The following ADK variants were observed in gnomAD, a reference collection of about 807,000 sequenced individuals.
ADK encodes adenosine kinase.
ADK carries 24 observed loss-of-function variants against 44.7 expected under a neutral mutation model. The ratio of observed to expected loss-of-function variants is 0.54; its 90% confidence interval spans 0.39 to 0.76. The LOEUF (loss-of-function observed/expected upper bound fraction) is 0.76, where lower values mean the gene tolerates loss of function less well. Among genes scored for constraint, ADK ranks in the 30% least tolerant of loss-of-function variants. The pLI is 0.00. For synonymous variants in ADK, 128 were observed against 142.6 expected (o/e 0.90, Z 0.73); for missense variants, 321 against 425.1 (o/e 0.76, Z 2.15).
chr10:74,365,181 A>G (rs535443602), intron 4 of ADK, among the ~76,000 whole-genome samples: 2 of 117,980 alleles, frequency 1.7e-5, no homozygotes, highest in South Asian at 2.6e-4. Context: ...CATTTACTGC[A>G]TTCACAATGC....
chr10:74,445,074 A>G lies in ADK; in HGVS notation c.555+46495A>G, dbSNP rs922064630. Reference sequence around the variant, plus strand: ...CAATGGGTTGTAAATAGTTTATTCAATATTTTAATAAAGAATTAATTCATT... The same window carrying G: ...CAATGGGTTGTAAATAGTTTATTCAGTATTTTAATAAAGAATTAATTCATT... On this transcript the variant is annotated intron_variant, in intron 6 of 10. Coordinates refer to ENST00000539909, the MANE Select transcript of ADK (RefSeq NM_006721.4). Among the ~76,000 whole-genome samples the G allele has an allele frequency of 3.9e-5, 6 of 152,060 alleles. No homozygotes were observed. The East Asian group carries it at 1.2e-3, about 29-fold the overall frequency.
At chr10:74,167,749 A>G (rs1842068339) in intron 1 of ADK, among the ~76,000 whole-genome samples, 2 of 152,226 alleles carry the variant, frequency 1.3e-5, no homozygotes, top group South Asian at 4.1e-4. Context: ...GATTTAAGAG[A>G]AGGGAACATA....
At chr10:74,209,707 C>G (rs1263282390) in intron 2 of ADK, among the ~76,000 whole-genome samples, 1 of 151,976 alleles carries the variant, frequency 6.6e-6, no homozygotes, top group Non-Finnish European at 1.5e-5. Context: ...CAGCCTCAAA[C>G]TCCTGTCCCT....
chr10:74,495,747 A>G (rs771892889), intron 6 of ADK, among the ~76,000 whole-genome samples: 3 of 152,168 alleles, frequency 2.0e-5, no homozygotes, highest in Non-Finnish European at 4.4e-5. Context: ...GAGGTAGGAA[A>G]AGGACACTTG....
intron 6 of ADK, among the ~76,000 whole-genome samples, chr10:74,442,280 A>G (rs1845441682): frequency 6.6e-6 from 1 of 151,536 alleles, no homozygotes; most frequent in African/African-American, 2.5e-5. Flanking sequence ...AGAGATTATG[A>G]AAAACAATAC....
At chr10:74,249,955 T>C (rs918055666) in intron 3 of ADK, among the ~76,000 whole-genome samples, 2 of 152,228 alleles carry the variant, frequency 1.3e-5, no homozygotes, top group Non-Finnish European at 2.9e-5. Context: ...ATAGAGAATG[T>C]AGAATTGAGC....
chr10:74,706,171 T>C (rs1856598387), intron 10 of ADK, among the ~76,000 whole-genome samples: 1 of 152,074 alleles, frequency 6.6e-6, no homozygotes, highest in South Asian at 2.1e-4. Flanking sequence ...ATGCAAGAAT[T>C]AGAGGAAAGC....
intron 1 of ADK, among the ~76,000 whole-genome samples, chr10:74,177,923 T>TTATATATATA (rs1192890268): frequency 1.2e-3 from 150 of 130,292 alleles, no homozygotes; most frequent in African/African-American, 3.7e-3. Context: ...AATTGCATAA[T>TTATATATATA]TATATATATA....
chr10:74,258,947 G>GTTTT (rs141424052), intron 3 of ADK, among the ~76,000 whole-genome samples: 15 of 96,118 alleles, frequency 1.6e-4, no homozygotes, highest in Admixed American at 3.6e-4. Flanking sequence ...TTGTTTTTGT[G>GTTTT]TTTTTTTTTT....
At chr10:74,522,369 C>T (rs1848869163) in intron 6 of ADK, among the ~76,000 whole-genome samples, 1 of 152,126 alleles carries the variant, frequency 6.6e-6, no homozygotes, top group Non-Finnish European at 1.5e-5. Flanking sequence ...TTATGGCCAG[C>T]TTTCACACAG....
intron 1 of ADK, chr10:74,176,540 G>C: frequency 7.8e-7 from 1 of 1,276,590 alleles, no homozygotes; most frequent in African/African-American, 1.6e-5. Context: ...ACTGCGGGGT[G>C]ACGGGACGCT....
intron 6 of ADK, among the ~76,000 whole-genome samples, chr10:74,491,487 A>T (rs1051530807): frequency 6.6e-6 from 1 of 152,194 alleles, no homozygotes; most frequent in African/African-American, 2.4e-5. Flanking sequence ...CTGAGATTCA[A>T]TAATTACTAA....
chr10:74,327,116 A>G (rs1841048527), intron 4 of ADK, among the ~76,000 whole-genome samples: 1 of 152,040 alleles, frequency 6.6e-6, no homozygotes, highest in Non-Finnish European at 1.5e-5. Context: ...TTGAGGCGCA[A>G]CATTAGGTTT....
rs1242889640 is a variant in ADK, at chr10:74,565,740, A to AC, written c.727-23542_727-23541insC. Among the ~76,000 whole-genome samples the AC allele has an allele frequency of 1.3e-4, 19 of 151,654 alleles. No individual in the cohort carries two copies. The East Asian group carries it at 1.9e-3, about 15-fold the overall frequency. ...GAAACTCCGTCTCAAAAAAAAAAAA[A>AC]AAAAAAAAACCATGAACCTTCCTTT... On this transcript the variant is annotated intron_variant, in intron 7 of 10. Transcript: ENST00000539909.
intron 9 of ADK, among the ~76,000 whole-genome samples, chr10:74,659,028 C>T (rs893917469): frequency 1.4e-4 from 22 of 151,878 alleles, no homozygotes; most frequent in African/African-American, 4.8e-4. Context: ...CCAGCCTAGG[C>T]AACATAGGGA....
chr10:74,549,621 G>C (rs1437362908), intron 7 of ADK, among the ~76,000 whole-genome samples: 1 of 152,034 alleles, frequency 6.6e-6, no homozygotes, highest in Non-Finnish European at 1.5e-5. Context: ...ATCTTGTGTA[G>C]AGATGGGGTT....
At chr10:74,302,090 GTTTTTTTTTT>G (rs1840056898) in intron 3 of ADK, among the ~76,000 whole-genome samples, 9 of 17,034 alleles carry the variant, frequency 5.3e-4, no homozygotes, top group African/African-American at 2.3e-3. Flanking sequence ...TTTCTTTTCT[GTTTTTTTTTT>G]GTTTGTTTGT....
chr10:74,591,151 T>C (rs1017749341), intron 8 of ADK, among the ~76,000 whole-genome samples: 1 of 152,178 alleles, frequency 6.6e-6, no homozygotes, highest in African/African-American at 2.4e-5. Flanking sequence ...TTCATGTGCC[T>C]GGTTTACATT....
chr10:74,461,891 A>C (rs183013706), intron 6 of ADK, among the ~76,000 whole-genome samples: 43 of 152,232 alleles, frequency 2.8e-4, no homozygotes, highest in African/African-American at 1.0e-3. Context: ...AACTAAAAAT[A>C]AGTGGATATT....
Sources: gnomAD v4.1 joint callset for allele counts (sites outside exome capture counted in the v4.1 genomes callset) on GRCh38, gnomAD v4.1.1 for gene constraint, MANE v1.5 for transcripts, NCBI Gene and HGNC (gene_info 2026-07-23, HGNC 2026-07-21) for gene names.